CELF2: variants seen among roughly 807,000 people sequenced by gnomAD.
The protein encoded by CELF2 is CUG triplet repeat RNA-binding protein 2.
A neutral mutation model predicts 62.6 loss-of-function variants in CELF2; 8 were observed. That is an observed-to-expected ratio of 0.13 (90% CI 0.07 to 0.23). CELF2 has a LOEUF of 0.23. CELF2 is among the 10% of genes least tolerant of loss of function. CELF2 has a pLI of 1.00. For synonymous variants in CELF2, 258 were observed against 250.0 expected, an observed-to-expected ratio of 1.03 and a Z score of -0.30; for missense variants, 333 against 671.0, an observed-to-expected ratio of 0.50 and a Z score of 5.56.
intron 2 of CELF2, among the ~76,000 whole-genome samples, chr10:11,166,041 C>T (rs967978764): frequency 6.6e-6 from 1 of 152,238 alleles, no homozygotes; most frequent in Non-Finnish European, 1.5e-5. Context: ...TATTTCAGGA[C>T]CTAACTCTTC....
At chr10:11,322,879 G>A (rs1326742794) in intron 11 of CELF2, among the ~76,000 whole-genome samples, 1 of 152,042 alleles carries the variant, frequency 6.6e-6, no homozygotes. Context: ...AGGCCTGTGT[G>A]TGTTCCTTTT....
intron 1 of CELF2, among the ~76,000 whole-genome samples, chr10:10,812,312 C>T (rs372414346): frequency 6.6e-6 from 1 of 152,104 alleles, no homozygotes; most frequent in Non-Finnish European, 1.5e-5. Context: ...ACCATGAGAA[C>T]GGTATGGGTG....
chr10:10,794,171 A>T (rs2054006726), upstream of CELF2, among the ~76,000 whole-genome samples: 1 of 152,212 alleles, frequency 6.6e-6, no homozygotes. Context: ...TCCAGGGTCC[A>T]GAGCAAGTGC....
At chr10:10,705,207 T>G in the CELF2 span, among the ~76,000 whole-genome samples, 4 of 152,080 alleles carry the variant, frequency 2.6e-5, no homozygotes, top group Non-Finnish European at 4.4e-5. Context: ...ATAAGGAATT[T>G]TCTTCCCTCC....
At chr10:11,188,322 A>G (rs988056522) in intron 2 of CELF2, among the ~76,000 whole-genome samples, 8 of 151,944 alleles carry the variant, frequency 5.3e-5, no homozygotes, top group African/African-American at 1.9e-4. Context: ...TCAGGGTGGT[A>G]TCGAACTCCC....
chr10:10,912,144 G>A (rs879665950), intron 1 of CELF2, among the ~76,000 whole-genome samples: 4 of 152,142 alleles, frequency 2.6e-5, no homozygotes, highest in African/African-American at 7.2e-5. Flanking sequence ...ATAAGAAAGG[G>A]AGGTGAGGAT....
intron 2 of CELF2, among the ~76,000 whole-genome samples, chr10:10,950,372 A>G (rs1359892346): frequency 6.6e-6 from 1 of 152,138 alleles, no homozygotes; most frequent in African/African-American, 2.4e-5. Context: ...AAATGGGGCA[A>G]AGGGCTCCAA....
chr10:11,111,769 G>T (rs148935194), intron 1 of CELF2, among the ~76,000 whole-genome samples: 3 of 152,322 alleles, frequency 2.0e-5, no homozygotes, highest in Non-Finnish European at 4.4e-5. Context: ...TGGATACGCC[G>T]AAACTCAGCG....
Position 11,311,768 on chromosome 10 carries a change from G to C in CELF2, c.977-2371G>C, listed in dbSNP as rs1368177986. Among the ~76,000 whole-genome samples the C allele has an allele frequency of 6.6e-6, 1 of 152,060 alleles. No homozygotes were observed. The highest frequency in any genetic ancestry group is 2.4e-5 in the African/African-American group (1 of 41,410). On this transcript the variant is annotated intron_variant, in intron 9 of 12. Transcript: ENST00000633077. The surrounding 1 kb of genome is among the most constrained non-coding windows in gnomAD (Gnocchi z 4.7). ...CTGGAACACAGATTTTGGAGATGAT[G>C]CCCAACCGAGAAACAGAATATGAGA... is the stretch of plus-strand genomic sequence containing the variant.
chr10:10,659,511 C>T, the CELF2 span, among the ~76,000 whole-genome samples: 7 of 152,256 alleles, frequency 4.6e-5, no homozygotes, highest in Admixed American at 6.5e-5. Context: ...TGCTTCAAAT[C>T]GCTCCTCTTA....
intron 3 of CELF2, among the ~76,000 whole-genome samples, chr10:11,241,090 G>A (rs901991169): frequency 6.6e-6 from 1 of 152,180 alleles, no homozygotes; most frequent in African/African-American, 2.4e-5. Flanking sequence ...GTAGAGTGAC[G>A]GCGAAGGGGA....
intron 1 of CELF2, among the ~76,000 whole-genome samples, chr10:11,018,522 G>C (rs1337690741): frequency 6.6e-6 from 1 of 150,492 alleles, no homozygotes; most frequent in African/African-American, 2.4e-5. Context: ...GAGGACCCGC[G>C]AGCAGGGTGA....
chr10:10,718,553 G>A, the CELF2 span, among the ~76,000 whole-genome samples: 1 of 150,602 alleles, frequency 6.6e-6, no homozygotes, highest in Non-Finnish European at 1.5e-5. Flanking sequence ...GACCCTAGGA[G>A]GCAGAGGTTG....
At chr10:11,099,788 C>T (rs2050928162) in intron 1 of CELF2, among the ~76,000 whole-genome samples, 2 of 150,384 alleles carry the variant, frequency 1.3e-5, no homozygotes, top group Admixed American at 6.7e-5. Context: ...TAGGTTGCCA[C>T]TATTTTTATT....
At chr10:10,799,466 A>G (rs2054426104) in intron 1 of CELF2, among the ~76,000 whole-genome samples, 1 of 152,134 alleles carries the variant, frequency 6.6e-6, no homozygotes, top group African/African-American at 2.4e-5. Context: ...CCTGTGCAAC[A>G]GAGTAAGAAT....
intron 1 of CELF2, among the ~76,000 whole-genome samples, chr10:11,087,656 A>G (rs1016794668): frequency 1.3e-5 from 2 of 152,246 alleles, no homozygotes; most frequent in African/African-American, 4.8e-5. Context: ...TTATTCAGTC[A>G]GTAGGAATAA....
chr10:11,200,647 C>T (rs528064182), intron 2 of CELF2, among the ~76,000 whole-genome samples: 53 of 152,338 alleles, frequency 3.5e-4, no homozygotes, highest in South Asian at 1.7e-3. Flanking sequence ...CTCTGCAAGA[C>T]ATTTCCAGGT....
At chr10:10,570,192 G>A in the CELF2 span, among the ~76,000 whole-genome samples, 10 of 152,134 alleles carry the variant, frequency 6.6e-5, no homozygotes, top group Non-Finnish European at 5.9e-5. Flanking sequence ...AATGCCTCAG[G>A]GTGAGAAGCC....
At chr10:10,895,878 T>C (rs1208639055) in intron 1 of CELF2, among the ~76,000 whole-genome samples, 2 of 152,174 alleles carry the variant, frequency 1.3e-5, no homozygotes, top group African/African-American at 4.8e-5. Context: ...CTCCCCAAGC[T>C]TACTGCTTTG....
Sources: gnomAD v4.1 joint callset for allele counts (sites outside exome capture counted in the v4.1 genomes callset) on GRCh38, gnomAD v4.1.1 for gene constraint, Gnocchi (gnomAD v3.1) non-coding constraint, MANE v1.5 for transcripts, NCBI Gene and HGNC (gene_info 2026-07-23, HGNC 2026-07-21) for gene names.